AURKA: variants seen among roughly 807,000 people sequenced by gnomAD.
AURKA encodes the protein aurora kinase A, also known as aurora 2.
AURKA carries 12 observed loss-of-function variants against 40.9 expected under a neutral mutation model. The ratio of observed to expected loss-of-function variants is 0.29; its 90% CI spans 0.19 to 0.48. The LOEUF (loss-of-function observed/expected upper bound fraction) is 0.48. Among genes scored for constraint, AURKA ranks in the 20% least tolerant of loss-of-function variants. The pLI is 0.99. For missense variants in AURKA, 322 were observed against 462.1 expected, an observed-to-expected ratio of 0.70 and a Z score of 2.78; for synonymous variants, 170 against 164.3, an observed-to-expected ratio of 1.03 and a Z score of -0.26.
Position 56,370,319 on chromosome 20 carries a change from A to T in AURKA, c.1051T>A (p.Phe351Ile), listed in dbSNP as rs2146121884. 1 of 1,614,214 alleles carries T rather than the reference A, an allele frequency of 6.2e-7. No homozygotes were observed. The highest frequency in any genetic ancestry group is 1.7e-5 in the Admixed American group (1 of 60,024). The change falls in exon 9 of 9, where the codon TTT (phenylalanine) becomes ATT (isoleucine). Residue 351 changes from phenylalanine to isoleucine, a missense_variant. By Grantham distance (21) the Phe-to-Ile change is conservative. Transcript: ENST00000395915. ...ISRVEFTFPDFVTEGARDLIS... is the reference protein window; with the variant it reads ...ISRVEFTFPDIVTEGARDLIS... Reference sequence around the variant, plus strand: ...AGGTCCCTGGCTCCCTCTGTTACAAAGTCAGGGAATGTGAATTCAACCTGG... The same window carrying T: ...AGGTCCCTGGCTCCCTCTGTTACAATGTCAGGGAATGTGAATTCAACCTGG...
At chr20:56,386,604 A>G (rs1240750614) in intron 2 of AURKA, 71 bp from the exon 3 acceptor site, 2 of 1,575,040 alleles carry the variant, frequency 1.3e-6, no homozygotes, top group Non-Finnish European at 8.7e-7. Flanking sequence ...AGAATTTCAC[A>G]AAGTTTGTTC....
intron 6 of AURKA, among the ~76,000 whole-genome samples, chr20:56,377,012 A>G (rs1372714481): frequency 1.3e-5 from 2 of 152,130 alleles, no homozygotes; most frequent in African/African-American, 2.4e-5. Context: ...CACAGGAGGT[A>G]GAAGTTGCAG....
chr20:56,375,989 C>A (rs1195446864), intron 6 of AURKA, among the ~76,000 whole-genome samples: 1 of 152,200 alleles, frequency 6.6e-6, no homozygotes, highest in Non-Finnish European at 1.5e-5. Flanking sequence ...CAGAAATGAT[C>A]TTTCATTTTC....
chr20:56,372,455 C>T (rs1398319762), intron 7 of AURKA, among the ~76,000 whole-genome samples: 1 of 150,504 alleles, frequency 6.6e-6, no homozygotes, highest in Non-Finnish European at 1.5e-5. Flanking sequence ...CAGTTTAACT[C>T]TGCGATTCCA....
rs755910157 is a variant in AURKA, at chr20:56,370,146, C to A, written c.*12G>T. 4.3e-6 allele frequency: 7 copies of A among 1,612,178 alleles called. No homozygotes were observed. Among genetic ancestry groups the A allele is most frequent in the Non-Finnish European group, 5.9e-6 (7 of 1,179,962 alleles). ...CAGCCCTGGCTCAAGGATTTCTCCC[C>A]CTGCACGATTCCTAAGACTGTTTGC... On this transcript the variant is annotated 3_prime_UTR_variant, in exon 9 of 9. Coordinates refer to ENST00000395915, the MANE Select transcript of AURKA (RefSeq NM_198437.3).
rs780830678 is a variant in AURKA at position 56,373,122 on chromosome 20, C to T, written c.854+286G>A. Reference sequence around the variant, plus strand: ...GTGGGCACTTCACCTCTGTCATATACGTGTCCTATCTGTTGACTCATTCAT... The same window carrying T: ...GTGGGCACTTCACCTCTGTCATATATGTGTCCTATCTGTTGACTCATTCAT... On this transcript the variant is annotated intron_variant, in intron 7 of 8. Transcript: ENST00000395915. The surrounding 1 kb of genome is among the most constrained non-coding windows in gnomAD (Gnocchi z 5.0). 1.8e-4 allele frequency among the ~76,000 whole-genome samples: 27 copies of T among 152,224 alleles called. No homozygotes were observed. Among genetic ancestry groups the T allele is most frequent in the Non-Finnish European group, 1.5e-4 (10 of 68,040 alleles).
At chr20:56,376,544 T>A (rs1382740368) in intron 6 of AURKA, among the ~76,000 whole-genome samples, 1 of 152,118 alleles carries the variant, frequency 6.6e-6, no homozygotes, top group Non-Finnish European at 1.5e-5. Flanking sequence ...AAATGCCATT[T>A]ACATCAATGC....
Position 56,382,935 on chromosome 20 carries a change from G to C in AURKA, c.566+50C>G, listed in dbSNP as rs1207226041. 6 of 1,594,574 alleles carry C rather than the reference G, an allele frequency of 3.8e-6. No homozygotes were observed. The Admixed American group carries it at 5.0e-5, about 13-fold the overall frequency. On this transcript the variant is annotated intron_variant, in intron 5 of 8. Transcript: ENST00000395915. ...GGAGGCTGACATTACAGGAGGGGGAGGGGTGCAGCATTGGTGAACATTCTT... is the reference window on the plus strand; with the variant it reads ...GGAGGCTGACATTACAGGAGGGGGACGGGTGCAGCATTGGTGAACATTCTT...
chr20:56,391,685 A>G (rs536852203), intron 1 of AURKA, among the ~76,000 whole-genome samples: 1 of 152,250 alleles, frequency 6.6e-6, no homozygotes, highest in East Asian at 1.9e-4. Context: ...TCCAGCCAGG[A>G]CAAGGGCCTT....
rs555557052 is a variant in AURKA at position 56,388,046 on chromosome 20, A to C, written c.42+110T>G. The stretch of plus-strand genomic sequence containing the variant: ...GTGACTAATTCATATCCAGGATCAC[A>C]GTAAGGGATCTAAATTTAAATCCAA... On this transcript the variant is annotated intron_variant, in intron 2 of 8. Coordinates refer to ENST00000395915, the MANE Select transcript of AURKA (RefSeq NM_198437.3). 6.2e-4 allele frequency: 92 copies of C among 148,882 alleles called. No homozygotes were observed. In the African/African-American group the frequency reaches 0.014, roughly 23 times the overall value. The allele number at this position is 148,882 out of a possible 1,614,324, so 9.2% of individuals were successfully genotyped here. A position where few individuals can be genotyped will look rare whatever the true frequency, so the allele number is the denominator to read the frequency against.
At chr20:56,381,380 G>A (rs1985686109) in intron 6 of AURKA, 53 bp downstream of exon 6, 1 of 1,603,910 alleles carries the variant, frequency 6.2e-7, no homozygotes, top group African/African-American at 1.3e-5. Flanking sequence ...CATTGCTATG[G>A]AGGACAGGTA....
Position 56,373,401 on chromosome 20 carries a change from T to C in AURKA, c.854+7A>G. 1 of 1,613,164 alleles carries C rather than the reference T, an allele frequency of 6.2e-7. No individual in the cohort carries two copies. The highest frequency in any genetic ancestry group is 8.5e-7 in the Non-Finnish European group (1 of 1,180,020). On this transcript the variant is annotated splice_region_variant and intron_variant, in intron 7 of 8. Transcript: ENST00000395915. The surrounding 1 kb of genome is among the most constrained non-coding windows in gnomAD (Gnocchi z 5.0). ...ACCAAACAACTTCCACCTCTAAAGT[T>C]ACATACCTGGAAGATGGAGCATGTA...
intron 2 of AURKA, 119 bp downstream of exon 2, chr20:56,388,037 C>G (rs924729724): frequency 4.4e-5 from 5 of 114,252 alleles, no homozygotes; most frequent in Admixed American, 3.1e-4. Flanking sequence ...AATTCATATC[C>G]AGGATCACAG....
intron 6 of AURKA, 43 bp downstream of exon 6, chr20:56,381,390 A>G (rs1246033255): frequency 3.7e-5 from 59 of 1,609,256 alleles, no homozygotes; most frequent in Non-Finnish European, 4.7e-5. Context: ...GAGGACAGGT[A>G]TAAAGGAAAC....
chr20:56,388,263 T>C lies in AURKA; in HGVS notation c.-5-61A>G. ...AGCCACCTGCTTAAAGTGCTGTTGC[T>C]CGATAGGCAGCGTTACAGTTCCCCA... On this transcript the variant is annotated intron_variant, in intron 1 of 8. Transcript: ENST00000395915. 3 of 1,233,606 alleles carry C rather than the reference T, an allele frequency of 2.4e-6. No homozygotes were observed. The South Asian group carries it at 3.8e-5, about 15-fold the overall frequency. The allele number at this position is 1,233,606 out of a possible 1,614,324, so 76.4% of individuals were successfully genotyped here.
rs1024762859 is a variant in AURKA, at chr20:56,369,937, A to G, written c.*221T>C. On this transcript the variant is annotated 3_prime_UTR_variant, in exon 9 of 9. Coordinates refer to ENST00000395915, the MANE Select transcript of AURKA (RefSeq NM_198437.3). ...CTCCAGATTATGAACCAGTATAAGT[A>G]GCACAATTCTCGTGGCTACTTTCAC... 4.6e-6 allele frequency: 3 copies of G among 647,556 alleles called. No individual in the cohort carries two copies. The highest frequency in any genetic ancestry group is 8.3e-6 in the Non-Finnish European group (3 of 362,616). The allele number at this position is 647,556 out of a possible 1,614,324, so 40.1% of individuals were successfully genotyped here. A position where few individuals can be genotyped will look rare whatever the true frequency, so the allele number is the denominator to read the frequency against.
At position 56,386,553 on chromosome 20, in the gene AURKA, A is replaced by G; in HGVS notation, c.43-20T>C. On this transcript the variant is annotated intron_variant, in intron 2 of 8. Transcript: ENST00000395915. ...TGTAGCCTAGAATGGAAGAGAAAAT[A>G]AACTTTCTGGCATTCATGAAAGCAA... The G allele has an allele frequency of 6.2e-7, 1 of 1,614,170 alleles. No individual in the cohort carries two copies. The highest frequency in any genetic ancestry group is 1.1e-5 in the South Asian group (1 of 91,088).
chr20:56,370,008 G>C lies in AURKA; in HGVS notation c.*150C>G. On this transcript the variant is annotated 3_prime_UTR_variant, in exon 9 of 9. Coordinates refer to ENST00000395915, the MANE Select transcript of AURKA (RefSeq NM_198437.3). ...GATGTGGAGCTTTCTGAATAGGGAGGTTAAGGCACACCTGCTGAGTAAAAC... is the reference window on the plus strand; with the variant it reads ...GATGTGGAGCTTTCTGAATAGGGAGCTTAAGGCACACCTGCTGAGTAAAAC... The C allele has an allele frequency of 1.0e-6, 1 of 973,214 alleles. No homozygotes were observed. Among genetic ancestry groups the C allele is most frequent in the Non-Finnish European group, 1.6e-6 (1 of 618,406 alleles). 60.3% of individuals were successfully genotyped at this position (973,214 alleles called of 1,614,324 possible). A position where few individuals can be genotyped will look rare whatever the true frequency, so the allele number is the denominator to read the frequency against.
intron 6 of AURKA, among the ~76,000 whole-genome samples, chr20:56,379,597 G>C (rs1354021986): frequency 6.6e-6 from 1 of 152,196 alleles, no homozygotes. Context: ...GCTCCTTGGA[G>C]AAGTGGTTCG....
Sources: allele counts gnomAD v4.1 joint callset (sites outside exome capture counted in the v4.1 genomes callset), GRCh38; gene constraint gnomAD v4.1.1; non-coding constraint Gnocchi (gnomAD v3.1); transcripts MANE v1.5; gene names NCBI Gene and HGNC (gene_info 2026-07-23, HGNC 2026-07-21).